Variants in GPSM2 observed in about 807,000 individuals in gnomAD.
The protein encoded by GPSM2 is G protein-signaling modulator 2.
In GPSM2, 58 loss-of-function variants were observed where a neutral mutation model predicts 78.4. That is an observed-to-expected ratio of 0.74 (90% CI 0.60 to 0.92). GPSM2 has a LOEUF of 0.92. GPSM2 is among the 40% of genes least tolerant of loss of function. The probability of loss-of-function intolerance (pLI) is 0.00; values close to 1 mark genes in which losing one functional copy is unlikely to be tolerated. For synonymous variants in GPSM2, 224 were observed against 280.2 expected (o/e 0.80, Z 2.00); for missense variants, 700 against 815.5 (o/e 0.86, Z 1.73).
chr1:108,913,327 C>G (rs940686839), intron 10 of GPSM2, among the ~76,000 whole-genome samples: 2 of 152,196 alleles, frequency 1.3e-5, no homozygotes, highest in Non-Finnish European at 2.9e-5. Context: ...ATATCTGTCA[C>G]TAATAAAATG....
chr1:108,899,367 A>T (rs905035194), intron 7 of GPSM2, among the ~76,000 whole-genome samples: 3 of 152,126 alleles, frequency 2.0e-5, no homozygotes, highest in African/African-American at 7.2e-5. Context: ...TATATGCTTT[A>T]TTTCACTCAG....
At chr1:108,914,943 T>A (rs868842803) in intron 11 of GPSM2, among the ~76,000 whole-genome samples, 2 of 152,150 alleles carry the variant, frequency 1.3e-5, no homozygotes, top group Non-Finnish European at 2.9e-5. Flanking sequence ...TGAAGATACA[T>A]CTTCCCTAGG....
At chr1:108,903,310 T>C in intron 9 of GPSM2, 76 bp downstream of exon 9, 2 of 766,326 alleles carry the variant, frequency 2.6e-6, no homozygotes, top group Non-Finnish European at 2.3e-6. Context: ...ACCCTATTTC[T>C]CTAGATTGAT....
At chr1:108,913,156 G>C (rs370320561) in intron 10 of GPSM2, among the ~76,000 whole-genome samples, 1 of 152,102 alleles carries the variant, frequency 6.6e-6, no homozygotes, top group African/African-American at 2.4e-5. Flanking sequence ...TTAAAGATGC[G>C]CCAACTGGAT....
At chr1:108,897,729 CA>C in intron 4 of GPSM2, 102 bp downstream of exon 4, 1 of 1,113,116 alleles carries the variant, frequency 9.0e-7, no homozygotes, top group Non-Finnish European at 1.3e-6. Flanking sequence ...AAATTAATAC[CA>C]AAAAAGAAAA....
At chr1:108,901,435 G>GA (rs991695142) in intron 7 of GPSM2, among the ~76,000 whole-genome samples, 1 of 152,038 alleles carries the variant, frequency 6.6e-6, no homozygotes, top group East Asian at 1.9e-4. Context: ...ATGTCATGTG[G>GA]AAAAAAGCCT....
chr1:108,897,468 T>A (rs779757617), intron 3 of GPSM2, 24 bp from the exon 4 acceptor site: 2 of 1,584,020 alleles, frequency 1.3e-6, no homozygotes, highest in Non-Finnish European at 1.7e-6. Flanking sequence ...TGGTTTTTTG[T>A]TTTTTGTTTT....
rs1388567048 is a variant in GPSM2 at position 108,933,778 on chromosome 1, TAAGG to T, written c.*3842_*3845del. 6.6e-6 allele frequency: 1 copy of T among 152,242 alleles called. No homozygotes were observed. Among genetic ancestry groups the T allele is most frequent in the Non-Finnish European group, 1.5e-5 (1 of 68,046 alleles). 9.4% of individuals were successfully genotyped at this position (152,242 alleles called of 1,614,324 possible). A position where few individuals can be genotyped will look rare whatever the true frequency, so the allele number is the denominator to read the frequency against. ...TGCTGACTGATGTCCTGTCTGCAGT[TAAGG>T]AAGACACCCAACTCTCTTCTTCCTC... On this transcript the variant is annotated 3_prime_UTR_variant, in exon 15 of 15. Transcript: ENST00000264126.
chr1:108,911,353 C>A (rs1397255937), intron 10 of GPSM2, among the ~76,000 whole-genome samples: 1 of 152,044 alleles, frequency 6.6e-6, no homozygotes, highest in East Asian at 1.9e-4. Context: ...CATGGTGAGA[C>A]CCCGTCTCTA....
rs1557863067 is a variant in GPSM2 at position 108,898,752 on chromosome 1, T to TA, written c.669dup (p.Ala224SerfsTer3). 6.2e-7 allele frequency: 1 copy of TA among 1,614,112 alleles called. No homozygotes were observed. The stretch of plus-strand genomic sequence containing the variant: ...CTTGGCAACTTCAGGGATGCAGTTA[T>TA]AGCTCATGAGCAGGTACAGTGGAAA... On this transcript the variant is annotated frameshift_variant, in exon 6 of 15. Coordinates refer to ENST00000264126, the MANE Select transcript of GPSM2 (RefSeq NM_013296.5). LOFTEE classifies it high-confidence loss of function.
Position 108,931,476 on chromosome 1 carries a change from CTG to C in GPSM2, c.*1539_*1540del, listed in dbSNP as rs760343015. 1.7e-5 allele frequency: 27 copies of C among 1,550,512 alleles called. No individual in the cohort carries two copies. The South Asian group carries it at 3.0e-4, about 17-fold the overall frequency. ...CTTGTTTCACTCTGCTTGCTTCAGA[CTG>C]TGCACAGCTGGGATGGGATCTGGGG... On this transcript the variant is annotated 3_prime_UTR_variant, in exon 15 of 15. Transcript: ENST00000264126.
In GPSM2 at chr1:108,924,036, A is replaced by G. The variant is rs1447970364; in HGVS notation, c.1637A>G (p.Glu546Gly). Residue 546 changes from glutamate (E) to glycine (G), a missense_variant, in exon 14 of 15, where the codon GAG (glutamate) becomes GGG (glycine). Transcript: ENST00000264126. ...SVPVVSPNTD[E>G]FLDLLASSQS... ...CCTGTGGTATCCCCCAACACGGATG[A>G]GTTTTTAGATCTTCTTGCCAGCTCA... is the stretch of plus-strand genomic sequence containing the variant. 8 of 1,612,634 alleles carry G rather than the reference A, an allele frequency of 5.0e-6. No individual in the cohort carries two copies. The highest frequency in any genetic ancestry group is 6.8e-6 in the Non-Finnish European group (8 of 1,178,780).
At position 108,932,652 on chromosome 1, in the gene GPSM2, A is replaced by G. The variant is rs1243556911; in HGVS notation, c.*2712A>G. On this transcript the variant is annotated 3_prime_UTR_variant, in exon 15 of 15. Transcript: ENST00000264126. ...TCACTACTTTTCAGAGTCAGATCACAGTTCAAAAGACAGCTCTCACCTTGG... is the reference window on the plus strand; with the variant it reads ...TCACTACTTTTCAGAGTCAGATCACGGTTCAAAAGACAGCTCTCACCTTGG... 2 of 152,242 alleles carry G rather than the reference A, an allele frequency of 1.3e-5. No homozygotes were observed. The highest frequency in any genetic ancestry group is 2.9e-5 in the Non-Finnish European group (2 of 68,026). The allele number at this position is 152,242 out of a possible 1,614,324, so 9.4% of individuals were successfully genotyped here. A position where few individuals can be genotyped will look rare whatever the true frequency, so the allele number is the denominator to read the frequency against.
In GPSM2 at chr1:108,929,852, G is replaced by C; in HGVS notation, c.1967G>C (p.Arg656Thr). 1 of 1,613,900 alleles carries C rather than the reference G, an allele frequency of 6.2e-7. No individual in the cohort carries two copies. Among genetic ancestry groups the C allele is most frequent in the African/African-American group, 1.3e-5 (1 of 75,028 alleles). The change falls in exon 15 of 15, where the codon AGA becomes ACA. Residue 656 changes from arginine to threonine, a missense_variant. Coordinates refer to ENST00000264126, the MANE Select transcript of GPSM2 (RefSeq NM_013296.5). ...QRVLLQRDQN[R>T]DTDFGLKDFL... ...GTTCTTTTACAAAGAGATCAAAACAGAGACACTGACTTTGGGCTAAAGGAC... is the reference window on the plus strand; with the variant it reads ...GTTCTTTTACAAAGAGATCAAAACACAGACACTGACTTTGGGCTAAAGGAC...
intron 11 of GPSM2, among the ~76,000 whole-genome samples, chr1:108,915,645 T>G (rs1470539010): frequency 2.6e-5 from 4 of 151,766 alleles, no homozygotes; most frequent in Non-Finnish European, 4.4e-5. Context: ...CACGATGGTC[T>G]CGATCTCCTG....
At chr1:108,889,493 T>C (rs904456430) in intron 2 of GPSM2, among the ~76,000 whole-genome samples, 4 of 152,208 alleles carry the variant, frequency 2.6e-5, no homozygotes, top group African/African-American at 9.6e-5. Context: ...TTAGGCTAAA[T>C]TGTGGGAGCT....
rs1437843124 is a variant in GPSM2 at position 108,930,430 on chromosome 1, CTGT to C, written c.*492_*494del. 1.3e-5 allele frequency: 2 copies of C among 153,730 alleles called. No individual in the cohort carries two copies. The highest frequency in any genetic ancestry group is 4.8e-5 in the African/African-American group (2 of 41,304). 9.5% of individuals were successfully genotyped at this position (153,730 alleles called of 1,614,324 possible). ...AGGTTTTTTTTTCCTCCATGAAAAT[CTGT>C]TTTTTTAGGCCAAAGTCAGTATAAA... On this transcript the variant is annotated 3_prime_UTR_variant, in exon 15 of 15. Transcript: ENST00000264126.
chr1:108,901,802 G>GT lies in GPSM2; in HGVS notation c.812dup (p.Leu271PhefsTer6), dbSNP rs1446619374. On this transcript the variant is annotated frameshift_variant, in exon 8 of 15. Coordinates refer to ENST00000264126, the MANE Select transcript of GPSM2 (RefSeq NM_013296.5). LOFTEE classifies it high-confidence loss of function. ...TTTCTTCTTGTAGGAAGACACTACTGTTGGCCCGACAGCTTAAAGACCGAG... is the reference window on the plus strand; with the variant it reads ...TTTCTTCTTGTAGGAAGACACTACTGTTTGGCCCGACAGCTTAAAGACCGAG... 3 of 1,611,178 alleles carry GT rather than the reference G, an allele frequency of 1.9e-6. No homozygotes were observed. Among genetic ancestry groups the GT allele is most frequent in the African/African-American group, 2.7e-5 (2 of 74,830 alleles).
intron 10 of GPSM2, among the ~76,000 whole-genome samples, chr1:108,911,435 A>C (rs1266115396): frequency 6.6e-6 from 1 of 151,914 alleles, no homozygotes; most frequent in Non-Finnish European, 1.5e-5. Context: ...GCTGAGGTGG[A>C]AGAATGTCTT....
Sources: allele counts gnomAD v4.1 joint callset (sites outside exome capture counted in the v4.1 genomes callset), GRCh38; gene constraint gnomAD v4.1.1; transcripts MANE v1.5; gene names NCBI Gene and HGNC (gene_info 2026-07-23, HGNC 2026-07-21).